Variants in CTNNA3 observed in about 807,000 individuals in gnomAD.
CTNNA3 encodes the protein catenin alpha-3.
CTNNA3 carries 76 observed loss-of-function variants against 95.7 expected under a neutral mutation model. The ratio of observed to expected loss-of-function variants is 0.79; its 90% CI spans 0.66 to 0.96. CTNNA3 has a LOEUF of 0.96. Among genes scored for constraint, CTNNA3 ranks in the 40% least tolerant of loss-of-function variants. CTNNA3 has a pLI of 0.00. For synonymous variants in CTNNA3, 431 were observed against 374.4 expected (o/e 1.15, Z -1.74); for missense variants, 1,191 against 1,089.8 (o/e 1.09, Z -1.31).
chr10:67,116,856 C>T (rs1018613703), intron 7 of CTNNA3, among the ~76,000 whole-genome samples: 3 of 151,242 alleles, frequency 2.0e-5, no homozygotes, highest in African/African-American at 7.3e-5. Context: ...TATAAACACA[C>T]ATGTATATGC....
At chr10:66,227,186 CCTAATTAT>C (rs2089338431) in intron 13 of CTNNA3, among the ~76,000 whole-genome samples, 1 of 151,996 alleles carries the variant, frequency 6.6e-6, no homozygotes, top group African/African-American at 2.4e-5. Context: ...CTTTCTCTTG[CCTAATTAT>C]TCTGGCTAGG....
chr10:65,991,472 G>T (rs1176173667), intron 15 of CTNNA3, among the ~76,000 whole-genome samples: 1 of 151,254 alleles, frequency 6.6e-6, no homozygotes, highest in Non-Finnish European at 1.5e-5. Flanking sequence ...TGTAGAGGTT[G>T]GTTCTTGTTT....
intron 5 of CTNNA3, among the ~76,000 whole-genome samples, chr10:67,353,353 T>G (rs1462435737): frequency 6.6e-6 from 1 of 151,990 alleles, no homozygotes; most frequent in Non-Finnish European, 1.5e-5. Context: ...GGTATTCAAC[T>G]TTACAGCTGG....
rs57025097 is a variant in CTNNA3 at position 66,996,649 on chromosome 10, CAA to C, written c.1047+183666_1047+183667del. Among the ~76,000 whole-genome samples the C allele has an allele frequency of 3.3e-3, 224 of 67,616 alleles. No homozygotes were observed. The South Asian group carries it at 0.042, about 13-fold the overall frequency. The allele number at this position is 67,616 out of a possible 152,430, so 44.4% of individuals were successfully genotyped here. ...GTGAGAGAGTGAGACTCCGTCTCTACAAAAAAAAAAAAAAAAAAAAAAGCATG... is the reference window on the plus strand; with the variant it reads ...GTGAGAGAGTGAGACTCCGTCTCTACAAAAAAAAAAAAAAAAAAAAGCATG... On this transcript the variant is annotated intron_variant, in intron 7 of 17. Coordinates refer to ENST00000433211, the MANE Select transcript of CTNNA3 (RefSeq NM_013266.4).
intron 7 of CTNNA3, among the ~76,000 whole-genome samples, chr10:66,838,003 G>T (rs920890418): frequency 1.3e-5 from 2 of 152,048 alleles, no homozygotes; most frequent in African/African-American, 4.8e-5. Flanking sequence ...GTCTAAATCT[G>T]AAGAGTCTTC....
intron 12 of CTNNA3, among the ~76,000 whole-genome samples, chr10:66,330,687 A>C (rs1032885762): frequency 1.3e-5 from 2 of 152,116 alleles, no homozygotes; most frequent in African/African-American, 4.8e-5. Context: ...AGTCCCACCA[A>C]CAGTGTAAAA....
intron 13 of CTNNA3, among the ~76,000 whole-genome samples, chr10:66,157,600 T>A (rs1325015911): frequency 6.6e-6 from 1 of 152,064 alleles, no homozygotes; most frequent in Non-Finnish European, 1.5e-5. Context: ...TCCACAATTT[T>A]GAAGTTGTGA....
At chr10:67,659,251 G>A (rs1840111628) in intron 1 of CTNNA3, among the ~76,000 whole-genome samples, 1 of 151,984 alleles carries the variant, frequency 6.6e-6, no homozygotes, top group Non-Finnish European at 1.5e-5. Context: ...AAAGCAAAAA[G>A]TCATAATTCA....
intron 12 of CTNNA3, among the ~76,000 whole-genome samples, chr10:66,371,658 C>T (rs2092755452): frequency 6.6e-6 from 1 of 152,068 alleles, no homozygotes; most frequent in African/African-American, 2.4e-5. Flanking sequence ...GATAATCATC[C>T]TCTCCTGCTT....
At chr10:66,511,024 T>C (rs560994065) in intron 11 of CTNNA3, among the ~76,000 whole-genome samples, 3 of 152,004 alleles carry the variant, frequency 2.0e-5, no homozygotes, top group East Asian at 3.9e-4. Context: ...TCTTGGACTT[T>C]TCTTTTTTGA....
At chr10:66,711,888 T>C (rs1055018171) in intron 9 of CTNNA3, among the ~76,000 whole-genome samples, 23 of 152,120 alleles carry the variant, frequency 1.5e-4, no homozygotes, top group South Asian at 2.1e-4. Flanking sequence ...CAAAAGTTCT[T>C]ACCTTTCTTG....
chr10:65,944,575 T>A (rs1482940153), intron 17 of CTNNA3, among the ~76,000 whole-genome samples: 1 of 152,190 alleles, frequency 6.6e-6, no homozygotes, highest in African/African-American at 2.4e-5. Context: ...TGTAGCCGCA[T>A]CCCGTGTACA....
intron 5 of CTNNA3, among the ~76,000 whole-genome samples, chr10:67,444,695 T>A (rs1011824238): frequency 2.3e-4 from 16 of 71,080 alleles, no homozygotes; most frequent in Non-Finnish European, 5.8e-4. Flanking sequence ...ATAAATAAAA[T>A]CAGAGATTAA....
In CTNNA3 at chr10:67,647,410, A is replaced by G. The variant is rs200746095; in HGVS notation, c.99+5T>C. The G allele has an allele frequency of 4.8e-5, 77 of 1,604,640 alleles. No homozygotes were observed. The highest frequency in any genetic ancestry group is 6.2e-5 in the Non-Finnish European group (73 of 1,172,242). On this transcript the variant is annotated splice_donor_5th_base_variant and intron_variant, in intron 2 of 17. Coordinates refer to ENST00000433211, the MANE Select transcript of CTNNA3 (RefSeq NM_013266.4). ...TATATATCATAATTTCCATGGTATT[A>G]ATACCTGGATTATGAGAGGCTCCAG...
At chr10:66,444,240 A>G (rs917509095) in intron 11 of CTNNA3, among the ~76,000 whole-genome samples, 1 of 152,192 alleles carries the variant, frequency 6.6e-6, no homozygotes, top group African/African-American at 2.4e-5. Context: ...ACCAAGTTGG[A>G]AAACACTCTG....
At chr10:67,089,751 G>A (rs1857520754) in intron 7 of CTNNA3, among the ~76,000 whole-genome samples, 1 of 151,040 alleles carries the variant, frequency 6.6e-6, no homozygotes, top group African/African-American at 2.4e-5. Context: ...GTGTGTGTGT[G>A]TGGACAGAAA....
At chr10:67,462,616 T>C (rs982478307) in intron 5 of CTNNA3, among the ~76,000 whole-genome samples, 1 of 152,208 alleles carries the variant, frequency 6.6e-6, no homozygotes, top group African/African-American at 2.4e-5. Flanking sequence ...CATGCATCCC[T>C]GGACCAATCT....
At chr10:66,709,979 C>G (rs1848240392) in intron 9 of CTNNA3, among the ~76,000 whole-genome samples, 1 of 152,096 alleles carries the variant, frequency 6.6e-6, no homozygotes, top group Non-Finnish European at 1.5e-5. Context: ...GCTTTTGACC[C>G]TAATAAAATA....
intron 9 of CTNNA3, among the ~76,000 whole-genome samples, chr10:66,714,363 C>T (rs970058472): frequency 6.6e-6 from 1 of 152,096 alleles, no homozygotes; most frequent in Non-Finnish European, 1.5e-5. Context: ...CAGACTTGGG[C>T]TCTTTCATAC....
Sources: gnomAD v4.1 joint callset for allele counts (sites outside exome capture counted in the v4.1 genomes callset) on GRCh38, gnomAD v4.1.1 for gene constraint, MANE v1.5 for transcripts, NCBI Gene and HGNC (gene_info 2026-07-23, HGNC 2026-07-21) for gene names.